Variants in LMO3 observed in about 807,000 individuals in gnomAD.
The protein encoded by LMO3 is LIM domain only protein 3.
Under a neutral mutation model 15.8 loss-of-function variants are expected in LMO3, and 2 were observed. That is an observed-to-expected ratio of 0.13 (90% CI 0.05 to 0.40). The LOEUF (loss-of-function observed/expected upper bound fraction) is 0.40. LMO3 is among the 10% of genes least tolerant of loss of function. The pLI is 0.99. For synonymous variants in LMO3, 62 were observed against 63.8 expected, an observed-to-expected ratio of 0.97 and a Z score of 0.13; for missense variants, 86 against 182.2, an observed-to-expected ratio of 0.47 and a Z score of 3.04.
chr12:16,572,224 G>A (rs1046649590), intron 2 of LMO3, among the ~76,000 whole-genome samples: 20 of 151,448 alleles, frequency 1.3e-4, no homozygotes, highest in African/African-American at 4.6e-4. Context: ...GTACTTTTAC[G>A]TAGTAAAGCT....
chr12:16,560,677 G>T lies in LMO3; in HGVS notation c.207-139C>A. 1 of 722,630 alleles carries T rather than the reference G, an allele frequency of 1.4e-6. No homozygotes were observed. The highest frequency in any genetic ancestry group is 2.3e-6 in the Non-Finnish European group (1 of 432,078). 44.8% of individuals were successfully genotyped at this position (722,630 alleles called of 1,614,324 possible). On this transcript the variant is annotated intron_variant, in intron 2 of 3. Coordinates refer to ENST00000537304, the MANE Select transcript of LMO3 (RefSeq NM_018640.5). The surrounding 1 kb of genome is among the most constrained non-coding windows in gnomAD (Gnocchi z 5.0). ...TGTACACAAGTGGATTTTATCCTAG[G>T]TGTATGCATAAATATTCTTCTGCAA...
rs948962218 is a variant in LMO3, at chr12:16,597,981, T to G, written c.206+2674A>C. 6.6e-6 allele frequency: 1 copy of G among 152,000 alleles called. No homozygotes were observed. The highest frequency in any genetic ancestry group is 2.4e-5 in the African/African-American group (1 of 41,438). The allele number at this position is 152,000 out of a possible 1,614,324, so 9.4% of individuals were successfully genotyped here. On this transcript the variant is annotated intron_variant, in intron 2 of 3. Coordinates refer to ENST00000537304, the MANE Select transcript of LMO3 (RefSeq NM_018640.5). This position sits in a 1 kb window ranked among gnomAD's most constrained non-coding sequence, Gnocchi z 5.0. ...CTTTAGGTGTACCTTCCTTTTTCCT[T>G]TAGCTAATTTCACCCATTGCCTGAA...
At chr12:16,590,175 T>C in intron 2 of LMO3, among the ~76,000 whole-genome samples, 1 of 152,190 alleles carries the variant, frequency 6.6e-6, no homozygotes, top group South Asian at 2.1e-4. Flanking sequence ...CTGTTATAAA[T>C]AGAAATTAAT....
intron 2 of LMO3, among the ~76,000 whole-genome samples, chr12:16,592,360 A>G (rs1943521179): frequency 6.6e-6 from 1 of 152,018 alleles, no homozygotes; most frequent in Non-Finnish European, 1.5e-5. Flanking sequence ...GGTCACAGAA[A>G]ATACTGGCTT....
At chr12:16,592,901 A>G (rs553364925) in intron 2 of LMO3, among the ~76,000 whole-genome samples, 1 of 152,056 alleles carries the variant, frequency 6.6e-6, no homozygotes, top group East Asian at 1.9e-4. Flanking sequence ...CTCTGTTAGA[A>G]CTGCTAAAAT....
chr12:16,586,567 A>G lies in LMO3; in HGVS notation c.206+14088T>C, dbSNP rs1027300624. The stretch of plus-strand genomic sequence containing the variant: ...TCAGGCCAACTGAATTCTGGAGGAC[A>G]TATGCAAAGACACTGCATTTCATCT... On this transcript the variant is annotated intron_variant, in intron 2 of 3. Coordinates refer to ENST00000537304, the MANE Select transcript of LMO3 (RefSeq NM_018640.5). The surrounding 1 kb of genome is among the most constrained non-coding windows in gnomAD (Gnocchi z 4.3). Among the ~76,000 whole-genome samples, 1 of 152,188 alleles carries G rather than the reference A, an allele frequency of 6.6e-6. No homozygotes were observed. The highest frequency in any genetic ancestry group is 2.1e-4 in the South Asian group (1 of 4,832).
rs1941916012 is a variant in LMO3 at position 16,549,718 on chromosome 12, G to A, written c.*1504C>T. The A allele has an allele frequency of 6.6e-6, 1 of 152,084 alleles. No individual in the cohort carries two copies. The highest frequency in any genetic ancestry group is 1.5e-5 in the Non-Finnish European group (1 of 67,986). 9.4% of individuals were successfully genotyped at this position (152,084 alleles called of 1,614,324 possible). On this transcript the variant is annotated 3_prime_UTR_variant, in exon 4 of 4. Coordinates refer to ENST00000537304, the MANE Select transcript of LMO3 (RefSeq NM_018640.5). The stretch of plus-strand genomic sequence containing the variant: ...AACGGTGCCGTGCAAAATTAGATTT[G>A]TTGAAAAGTAGTTCTATTACAGGGA...
intron 2 of LMO3, among the ~76,000 whole-genome samples, chr12:16,561,749 G>A (rs576501196): frequency 6.6e-6 from 1 of 152,288 alleles, no homozygotes; most frequent in East Asian, 1.9e-4. Flanking sequence ...ACAGTTGTTG[G>A]AAACAGTTGT....
Position 16,591,141 on chromosome 12 carries a change from G to T in LMO3, c.206+9514C>A, listed in dbSNP as rs1220648735. 6.6e-6 allele frequency among the ~76,000 whole-genome samples: 1 copy of T among 151,884 alleles called. No individual in the cohort carries two copies. The highest frequency in any genetic ancestry group is 1.5e-5 in the Non-Finnish European group (1 of 67,950). On this transcript the variant is annotated intron_variant, in intron 2 of 3. Transcript: ENST00000537304. This position sits in a 1 kb window ranked among gnomAD's most constrained non-coding sequence, Gnocchi z 4.1. ...ATTGTTTGTTGCAACAGTGATAGGT[G>T]GTACCATAGACCTACACAGTGACTA... is the stretch of plus-strand genomic sequence containing the variant.
In LMO3 at chr12:16,598,207, C is replaced by T. The variant is rs982986564; in HGVS notation, c.206+2448G>A. 6.6e-6 allele frequency: 1 copy of T among 152,074 alleles called. No individual in the cohort carries two copies. The highest frequency in any genetic ancestry group is 1.5e-5 in the Non-Finnish European group (1 of 67,944). The allele number at this position is 152,074 out of a possible 1,614,324, so 9.4% of individuals were successfully genotyped here. A position where few individuals can be genotyped will look rare whatever the true frequency, so the allele number is the denominator to read the frequency against. On this transcript the variant is annotated intron_variant, in intron 2 of 3. Transcript: ENST00000537304. The surrounding 1 kb of genome is among the most constrained non-coding windows in gnomAD (Gnocchi z 4.3). ...ATTTCACTGAGACACATGCTTTCCA[C>T]ATAAAACTAAATACCACATCTGCGG...
chr12:16,600,868 C>T lies in LMO3; in HGVS notation c.-8G>A. On this transcript the variant is annotated splice_region_variant and 5_prime_UTR_variant, in exon 2 of 4. Coordinates refer to ENST00000537304, the MANE Select transcript of LMO3 (RefSeq NM_018640.5). ...TGGCTGGACTGAGAGCATTTGTATACCTAAAGGAAGACAAAAGCAAAAAAG... is the reference window on the plus strand; with the variant it reads ...TGGCTGGACTGAGAGCATTTGTATATCTAAAGGAAGACAAAAGCAAAAAAG... 1 of 1,612,568 alleles carries T rather than the reference C, an allele frequency of 6.2e-7. No homozygotes were observed. The highest frequency in any genetic ancestry group is 1.3e-5 in the African/African-American group (1 of 74,898).
At chr12:16,568,236 G>C (rs1942687804) in intron 2 of LMO3, among the ~76,000 whole-genome samples, 1 of 152,112 alleles carries the variant, frequency 6.6e-6, no homozygotes, top group Non-Finnish European at 1.5e-5. Flanking sequence ...CAAGCTCTGT[G>C]AATAATCTGT....
chr12:16,572,737 G>T (rs754021222), intron 2 of LMO3, among the ~76,000 whole-genome samples: 6 of 148,634 alleles, frequency 4.0e-5, no homozygotes, highest in African/African-American at 1.5e-4. Context: ...ACCATATAAT[G>T]CTCTGCTCAC....
intron 2 of LMO3, chr12:16,594,119 A>C: frequency 6.5e-7 from 1 of 1,531,478 alleles, no homozygotes; most frequent in Non-Finnish European, 8.7e-7. Context: ...TTTGAATTTT[A>C]CAAGTTTTAA....
intron 3 of LMO3, among the ~76,000 whole-genome samples, chr12:16,552,841 A>G (rs963138976): frequency 6.6e-6 from 1 of 152,070 alleles, no homozygotes; most frequent in Admixed American, 6.5e-5. Flanking sequence ...TAAATGTTGC[A>G]CTTCAATAAT....
At position 16,593,909 on chromosome 12, in the gene LMO3, A is replaced by C. The variant is rs1036063052; in HGVS notation, c.206+6746T>G. ...ATCAAAACAAGTATATTATCATAGT[A>C]AAAACAGAACTAGAACAGGCAGTAT... On this transcript the variant is annotated intron_variant, in intron 2 of 3. Transcript: ENST00000537304. This position sits in a 1 kb window ranked among gnomAD's most constrained non-coding sequence, Gnocchi z 4.2. Among the ~76,000 whole-genome samples, 1 of 151,794 alleles carries C rather than the reference A, an allele frequency of 6.6e-6. No individual in the cohort carries two copies. The highest frequency in any genetic ancestry group is 1.5e-5 in the Non-Finnish European group (1 of 67,736).
intron 2 of LMO3, among the ~76,000 whole-genome samples, chr12:16,583,038 C>A (rs1943210314): frequency 9.6e-6 from 1 of 104,176 alleles, no homozygotes; most frequent in Non-Finnish European, 1.9e-5. Context: ...CAGTGCGAGA[C>A]TCCGCCTCAA....
At chr12:16,570,402 A>AT (rs928544168) in intron 2 of LMO3, among the ~76,000 whole-genome samples, 9 of 151,464 alleles carry the variant, frequency 5.9e-5, no homozygotes, top group South Asian at 2.1e-4. Context: ...GTTTGAAAAT[A>AT]TTTTTTTTTA....
Position 16,596,206 on chromosome 12 carries a change from A to G in LMO3, c.206+4449T>C, listed in dbSNP as rs1335017380. ...TTATTATATTATTATATTAAAGCCT[A>G]TAAAATTTGTAGTCAGCATAGCAAG... On this transcript the variant is annotated intron_variant, in intron 2 of 3. Coordinates refer to ENST00000537304, the MANE Select transcript of LMO3 (RefSeq NM_018640.5). The surrounding 1 kb of genome is among the most constrained non-coding windows in gnomAD (Gnocchi z 4.3). Among the ~76,000 whole-genome samples the G allele has an allele frequency of 6.6e-6, 1 of 151,516 alleles. No individual in the cohort carries two copies. The highest frequency in any genetic ancestry group is 6.6e-5 in the Admixed American group (1 of 15,180).
Sources: allele counts gnomAD v4.1 joint callset (sites outside exome capture counted in the v4.1 genomes callset), GRCh38; gene constraint gnomAD v4.1.1; non-coding constraint Gnocchi (gnomAD v3.1); transcripts MANE v1.5; gene names NCBI Gene and HGNC (gene_info 2026-07-23, HGNC 2026-07-21).